PLPPR5: variants seen among roughly 807,000 people sequenced by gnomAD.
PLPPR5 encodes phospholipid phosphatase-related protein type 5.
In PLPPR5, 16 loss-of-function variants were observed where a neutral mutation model predicts 33.9. That is an observed-to-expected ratio of 0.47 (90% CI 0.32 to 0.72). The LOEUF is 0.72. PLPPR5 is among the 30% of genes least tolerant of loss of function. The pLI is 0.03. For synonymous variants in PLPPR5, 163 were observed against 150.3 expected, an observed-to-expected ratio of 1.08 and a Z score of -0.62; for missense variants, 301 against 406.7, an observed-to-expected ratio of 0.74 and a Z score of 2.23.
At chr1:98,933,033 C>A (rs754061652) in intron 3 of PLPPR5, among the ~76,000 whole-genome samples, 5 of 152,068 alleles carry the variant, frequency 3.3e-5, no homozygotes, top group Non-Finnish European at 5.9e-5. Context: ...CCGGGCTGCA[C>A]CCTATAATAA....
intron 4 of PLPPR5, among the ~76,000 whole-genome samples, chr1:98,916,583 TTTATAA>T (rs1184135361): frequency 6.6e-6 from 1 of 152,226 alleles, no homozygotes; most frequent in East Asian, 1.9e-4. Context: ...CCACGGACAG[TTTATAA>T]ACAAATGGGA....
chr1:98,897,371 C>T (rs369652719), intron 5 of PLPPR5, among the ~76,000 whole-genome samples: 25 of 152,314 alleles, frequency 1.6e-4, no homozygotes, highest in African/African-American at 5.3e-4. Flanking sequence ...CCATTCTCAA[C>T]AGGTTGATTT....
chr1:98,926,248 C>T (rs963443729), intron 3 of PLPPR5, among the ~76,000 whole-genome samples: 4 of 152,068 alleles, frequency 2.6e-5, no homozygotes, highest in African/African-American at 7.3e-5. Context: ...TCAAAGAGTA[C>T]AGCCCAAAAT....
At chr1:98,894,682 G>A (rs888264660) in intron 5 of PLPPR5, among the ~76,000 whole-genome samples, 8 of 152,094 alleles carry the variant, frequency 5.3e-5, no homozygotes, top group African/African-American at 1.4e-4. Context: ...GTGTCCCAAA[G>A]GCCACTGGCC....
At chr1:98,969,146 G>A (rs1651557317) in intron 1 of PLPPR5, among the ~76,000 whole-genome samples, 1 of 151,980 alleles carries the variant, frequency 6.6e-6, no homozygotes, top group African/African-American at 2.4e-5. Flanking sequence ...CTAAATATCT[G>A]GTAGAGCTAG....
intron 3 of PLPPR5, among the ~76,000 whole-genome samples, chr1:98,944,391 A>G (rs1198442849): frequency 6.6e-6 from 1 of 152,192 alleles, no homozygotes; most frequent in Non-Finnish European, 1.5e-5. Context: ...TCACAAATTT[A>G]TATGTTGAGA....
chr1:98,947,885 G>A (rs752288326), intron 3 of PLPPR5, among the ~76,000 whole-genome samples: 1 of 152,228 alleles, frequency 6.6e-6, no homozygotes, highest in Admixed American at 6.5e-5. Flanking sequence ...TTACATAGCA[G>A]ATGCTTCATC....
intron 1 of PLPPR5, among the ~76,000 whole-genome samples, chr1:98,993,398 T>C (rs1652524442): frequency 6.6e-6 from 1 of 151,648 alleles, no homozygotes; most frequent in Non-Finnish European, 1.5e-5. Context: ...CCAGGAAAAA[T>C]AAAAAGGGAA....
At chr1:98,929,494 T>C (rs902321172) in intron 3 of PLPPR5, among the ~76,000 whole-genome samples, 2 of 152,232 alleles carry the variant, frequency 1.3e-5, no homozygotes, top group African/African-American at 4.8e-5. Flanking sequence ...ATTTATCCTG[T>C]AGCTGATGTC....
chr1:98,908,986 A>C (rs1649013318), intron 5 of PLPPR5, among the ~76,000 whole-genome samples: 2 of 152,244 alleles, frequency 1.3e-5, no homozygotes, highest in South Asian at 4.1e-4. Flanking sequence ...ATAATTGAAA[A>C]AATTTTTAAA....
chr1:99,005,035 C>G (rs150675984), upstream of PLPPR5: 1,349 of 153,054 alleles, frequency 8.8e-3, 14 homozygotes, highest in Admixed American at 0.015. Flanking sequence ...GGCGCTGGGT[C>G]AATCCCCCAG....
At chr1:98,916,040 A>T (rs1034314293) in intron 4 of PLPPR5, among the ~76,000 whole-genome samples, 1 of 152,174 alleles carries the variant, frequency 6.6e-6, no homozygotes. Flanking sequence ...ATATATAATT[A>T]TACATTTACA....
intron 5 of PLPPR5, among the ~76,000 whole-genome samples, chr1:98,893,567 C>T (rs1648360381): frequency 1.3e-5 from 2 of 150,398 alleles, no homozygotes; most frequent in Admixed American, 6.6e-5. Context: ...AATCCTGACT[C>T]CAGACTGTAG....
intron 1 of PLPPR5, among the ~76,000 whole-genome samples, chr1:98,974,441 T>C (rs1230408428): frequency 6.6e-6 from 1 of 152,074 alleles, no homozygotes; most frequent in Non-Finnish European, 1.5e-5. Flanking sequence ...AAATCTGACA[T>C]TATATGACCT....
intron 1 of PLPPR5, chr1:99,004,142 C>T (rs971903443): frequency 4.5e-6 from 2 of 446,710 alleles, no homozygotes; most frequent in South Asian, 7.6e-5. Flanking sequence ...CTTTGCAACC[C>T]GGATCCCCAC....
At chr1:98,987,893 T>C (rs1004321547) in intron 1 of PLPPR5, among the ~76,000 whole-genome samples, 2 of 152,074 alleles carry the variant, frequency 1.3e-5, no homozygotes, top group Non-Finnish European at 2.9e-5. Flanking sequence ...CGAAAATTTA[T>C]AGCAATTTGG....
intron 3 of PLPPR5, among the ~76,000 whole-genome samples, chr1:98,928,941 A>G (rs1004408340): frequency 1.3e-4 from 20 of 152,222 alleles, no homozygotes; most frequent in African/African-American, 4.3e-4. Flanking sequence ...TCAGATTCTA[A>G]TTATCATAAT....
intron 3 of PLPPR5, among the ~76,000 whole-genome samples, chr1:98,932,627 A>G (rs988629704): frequency 6.6e-6 from 1 of 152,230 alleles, no homozygotes; most frequent in Non-Finnish European, 1.5e-5. Flanking sequence ...AATGACCTCT[A>G]AGAAACTGTA....
At chr1:98,946,798 T>G (rs770062896) in intron 3 of PLPPR5, among the ~76,000 whole-genome samples, 26 of 152,170 alleles carry the variant, frequency 1.7e-4, no homozygotes, top group Non-Finnish European at 2.9e-5. Context: ...CTAGGGCCCA[T>G]GACACTTTGA....
Sources: gnomAD v4.1 joint callset for allele counts (sites outside exome capture counted in the v4.1 genomes callset) on GRCh38, gnomAD v4.1.1 for gene constraint, MANE v1.5 for transcripts, NCBI Gene and HGNC (gene_info 2026-07-23, HGNC 2026-07-21) for gene names.